The following PTPRD variants were observed in gnomAD, a reference collection of about 807,000 sequenced individuals.
PTPRD encodes the protein protein tyrosine phosphatase receptor type D, also known as receptor-type tyrosine-protein phosphatase delta.
In PTPRD, 34 loss-of-function variants were observed where a neutral mutation model predicts 214.5. That is an observed-to-expected ratio of 0.16 (90% confidence interval 0.12 to 0.21). PTPRD has a LOEUF of 0.21. PTPRD is among the 10% of genes least tolerant of loss of function. PTPRD has a pLI of 1.00. For missense variants in PTPRD, 2,545 were observed against 2,398.7 expected (o/e 1.06, Z -1.27); for synonymous variants, 1,128 against 845.7 (o/e 1.33, Z -5.79).
At chr9:9,023,208 T>A (rs2099575599) in intron 10 of PTPRD, among the ~76,000 whole-genome samples, 1 of 152,146 alleles carries the variant, frequency 6.6e-6, no homozygotes, top group Non-Finnish European at 1.5e-5. Flanking sequence ...TGAGACATCA[T>A]AGCTAAATGT....
chr9:10,246,357 C>T (rs1026197601), intron 3 of PTPRD, among the ~76,000 whole-genome samples: 2 of 152,134 alleles, frequency 1.3e-5, no homozygotes, highest in African/African-American at 4.8e-5. Context: ...AATTCTCCTG[C>T]CTCAGCCTCC....
intron 3 of PTPRD, among the ~76,000 whole-genome samples, chr9:10,238,117 G>A (rs948200929): frequency 1.3e-5 from 2 of 151,336 alleles, no homozygotes; most frequent in African/African-American, 2.4e-5. Flanking sequence ...GAGAGAAAGA[G>A]TTGTTTTAAT....
intron 3 of PTPRD, among the ~76,000 whole-genome samples, chr9:10,092,777 A>G (rs72694842): frequency 0.036 from 5,487 of 151,650 alleles, 173 homozygotes; most frequent in Admixed American, 0.092. Context: ...AGAACAGACT[A>G]GAGAGCCCAG....
At chr9:10,495,703 T>C (rs1370260544) in intron 2 of PTPRD, among the ~76,000 whole-genome samples, 5 of 151,926 alleles carry the variant, frequency 3.3e-5, no homozygotes, top group African/African-American at 1.2e-4. Flanking sequence ...AGAGACTGTA[T>C]GAAACATTGT....
intron 11 of PTPRD, among the ~76,000 whole-genome samples, chr9:8,943,976 G>T (rs2099049007): frequency 6.6e-6 from 1 of 151,698 alleles, no homozygotes; most frequent in African/African-American, 2.4e-5. Flanking sequence ...ACATGGAATG[G>T]GAGAAAACAT....
chr9:9,133,714 G>T (rs2099846364), intron 10 of PTPRD, among the ~76,000 whole-genome samples: 1 of 152,188 alleles, frequency 6.6e-6, no homozygotes, highest in South Asian at 2.1e-4. Flanking sequence ...TATGGCCACT[G>T]AGTCTGTAAG....
At chr9:10,539,810 T>G (rs1455285733) in intron 2 of PTPRD, among the ~76,000 whole-genome samples, 2 of 152,178 alleles carry the variant, frequency 1.3e-5, no homozygotes, top group Non-Finnish European at 2.9e-5. Context: ...ATATGAGTCA[T>G]AAGAGTTTCA....
Position 9,102,891 on chromosome 9 carries a change from A to G in PTPRD, c.-143+80413T>C, listed in dbSNP as rs147769121. 5.4e-3 allele frequency among the ~76,000 whole-genome samples: 818 copies of G among 152,356 alleles called. 7 individuals are homozygous for G. The highest frequency in any genetic ancestry group is 0.019 in the African/African-American group (779 of 41,582). On this transcript the variant is annotated intron_variant, in intron 10 of 45. Coordinates refer to ENST00000381196, the MANE Select transcript of PTPRD (RefSeq NM_002839.4). ...GAATTGCTAGTTTCCAATAGAATGA[A>G]TTAACGCTATAATTTGAGCAGAGTG... is the stretch of plus-strand genomic sequence containing the variant.
chr9:10,206,618 T>C (rs571466028), intron 3 of PTPRD, among the ~76,000 whole-genome samples: 2 of 152,330 alleles, frequency 1.3e-5, no homozygotes, highest in South Asian at 4.1e-4. Context: ...TGGAGAATTA[T>C]ATCTCAACTA....
At chr9:10,598,637 T>G (rs2077149372) in intron 2 of PTPRD, among the ~76,000 whole-genome samples, 1 of 151,088 alleles carries the variant, frequency 6.6e-6, no homozygotes. Flanking sequence ...TCTTCCTCAT[T>G]AGTGAATTAA....
intron 11 of PTPRD, among the ~76,000 whole-genome samples, chr9:8,916,795 T>C (rs1483251105): frequency 6.6e-6 from 1 of 152,116 alleles, no homozygotes; most frequent in Non-Finnish European, 1.5e-5. Context: ...TGTTTCAAAT[T>C]GGAAACAACG....
chr9:9,134,806 C>CGTGTGTGTGT (rs142357379), intron 10 of PTPRD, among the ~76,000 whole-genome samples: 318 of 150,674 alleles, frequency 2.1e-3, no homozygotes, highest in African/African-American at 7.3e-3. Flanking sequence ...ATTTGGAGTG[C>CGTGTGTGTGT]GTGTGTGTGT....
chr9:9,587,901 A>C (rs2092266959), intron 7 of PTPRD, among the ~76,000 whole-genome samples: 1 of 151,996 alleles, frequency 6.6e-6, no homozygotes, highest in Non-Finnish European at 1.5e-5. Context: ...AGGTATAAAC[A>C]CATAGTTAGA....
At chr9:9,797,765 T>C (rs2099012889) in intron 5 of PTPRD, among the ~76,000 whole-genome samples, 1 of 152,080 alleles carries the variant, frequency 6.6e-6, no homozygotes, top group African/African-American at 2.4e-5. Context: ...GGAGATTCAC[T>C]TGACCCCAGG....
At chr9:8,613,431 C>T (rs967951712) in intron 14 of PTPRD, among the ~76,000 whole-genome samples, 3 of 152,112 alleles carry the variant, frequency 2.0e-5, no homozygotes, top group Non-Finnish European at 4.4e-5. Context: ...TCTAGAAATA[C>T]TTGAGAGACT....
At chr9:10,323,632 T>C (rs1157694322) in intron 3 of PTPRD, among the ~76,000 whole-genome samples, 1 of 151,312 alleles carries the variant, frequency 6.6e-6, no homozygotes, top group Non-Finnish European at 1.5e-5. Context: ...GAAAGGAGAG[T>C]CCACTGAATG....
chr9:9,350,779 T>C lies in PTPRD; in HGVS notation c.-203+46670A>G, dbSNP rs925247033. Reference sequence around the variant, plus strand: ...ACAAAACACTATAGTACAATATAAATTAAACAGACATTATTAACTTAAATA... The same window carrying C: ...ACAAAACACTATAGTACAATATAAACTAAACAGACATTATTAACTTAAATA... On this transcript the variant is annotated intron_variant, in intron 9 of 45. Transcript: ENST00000381196. Among the ~76,000 whole-genome samples, 25 of 152,028 alleles carry C rather than the reference T, an allele frequency of 1.6e-4. 1 individual carries two copies. The highest frequency in any genetic ancestry group is 2.9e-5 in the Non-Finnish European group (2 of 67,980).
chr9:9,208,815 T>A (rs2099946619), intron 9 of PTPRD, among the ~76,000 whole-genome samples: 1 of 152,050 alleles, frequency 6.6e-6, no homozygotes, highest in Non-Finnish European at 1.5e-5. Flanking sequence ...AACTCTTTTT[T>A]TTTTTTCTTT....
chr9:10,020,426 C>T lies in PTPRD; in HGVS notation c.-472+13292G>A, dbSNP rs562032479. Among the ~76,000 whole-genome samples the T allele has an allele frequency of 1.2e-4, 17 of 143,994 alleles. No homozygotes were observed. The East Asian group carries it at 3.3e-3, about 28-fold the overall frequency. 94.5% of individuals were successfully genotyped at this position (143,994 alleles called of 152,430 possible). Reference sequence around the variant, plus strand: ...AAGCGATTCTCTTGCCTCAGCCTCCCGAGTAGCTGGGACTACAGGTGTGCC... The same window carrying T: ...AAGCGATTCTCTTGCCTCAGCCTCCTGAGTAGCTGGGACTACAGGTGTGCC... On this transcript the variant is annotated intron_variant, in intron 4 of 45. Coordinates refer to ENST00000381196, the MANE Select transcript of PTPRD (RefSeq NM_002839.4).
Sources: gnomAD v4.1 joint callset for allele counts (sites outside exome capture counted in the v4.1 genomes callset) on GRCh38, gnomAD v4.1.1 for gene constraint, MANE v1.5 for transcripts, NCBI Gene and HGNC (gene_info 2026-07-23, HGNC 2026-07-21) for gene names.